Variants in SLC37A3 observed in about 807,000 individuals in gnomAD.
SLC37A3 encodes the protein solute carrier family 37 member 3, also known as sugar phosphate exchanger 3.
Under a neutral mutation model 67.1 loss-of-function variants are expected in SLC37A3, and 51 were observed. The ratio of observed to expected loss-of-function variants is 0.76; its 90% confidence interval spans 0.61 to 0.96. The LOEUF (loss-of-function observed/expected upper bound fraction) is 0.96. SLC37A3 is among the 40% of genes least tolerant of loss of function. The pLI is 0.00. For missense variants in SLC37A3, 508 were observed against 603.0 expected (o/e 0.84, Z 1.65); for synonymous variants, 214 against 231.4 (o/e 0.92, Z 0.68).
At chr7:140,367,454 AAAATT>A (rs1585321605) in intron 4 of SLC37A3, among the ~76,000 whole-genome samples, 4 of 152,320 alleles carry the variant, frequency 2.6e-5, no homozygotes. Flanking sequence ...ATAATACAAT[AAAATT>A]AAATAAATAA....
intron 3 of SLC37A3, among the ~76,000 whole-genome samples, chr7:140,376,499 G>A (rs1487971257): frequency 6.6e-6 from 1 of 152,088 alleles, no homozygotes; most frequent in Non-Finnish European, 1.5e-5. Flanking sequence ...TGTGCTGGGG[G>A]GACTATATAA....
In SLC37A3 at chr7:140,353,720, G is replaced by GT. The variant is rs111484557; in HGVS notation, c.619-1575dup. ...TTCACTTAGCACACTGTTTTGTTTT[G>GT]TTTTTTTTTTGATACGGAGTCTCGC... On this transcript the variant is annotated intron_variant, in intron 7 of 14. Coordinates refer to ENST00000326232, the MANE Select transcript of SLC37A3 (RefSeq NM_207113.3). Among the ~76,000 whole-genome samples the GT allele has an allele frequency of 3.4e-3, 495 of 146,030 alleles. 4 individuals are homozygous for GT. The highest frequency in any genetic ancestry group is 0.026 in the East Asian group (130 of 4,978).
At chr7:140,350,300 G>A (rs978873065) in intron 9 of SLC37A3, among the ~76,000 whole-genome samples, 2 of 152,132 alleles carry the variant, frequency 1.3e-5, no homozygotes, top group African/African-American at 2.4e-5. Context: ...ACATAACCTA[G>A]GCCTCTTAAC....
intron 10 of SLC37A3, 170 bp downstream of exon 10, chr7:140,348,456 T>G: frequency 1.5e-6 from 1 of 673,050 alleles, no homozygotes; most frequent in Non-Finnish European, 2.2e-6. Context: ...TCTTTTCTTT[T>G]CTTTTCTTTT....
rs1327221552 is a variant in SLC37A3 at position 140,363,319 on chromosome 7, A to G, written c.375+1089T>C. On this transcript the variant is annotated intron_variant, in intron 5 of 14. Coordinates refer to ENST00000326232, the MANE Select transcript of SLC37A3 (RefSeq NM_207113.3). ...CGGGTTTGTGTGGATAGAAGTAGAC[A>G]TGGGAGACTTTTCATTTTGTTCTGT... Among the ~76,000 whole-genome samples the G allele has an allele frequency of 2.3e-5, 2 of 87,834 alleles. 1 individual carries two copies. Among genetic ancestry groups the G allele is most frequent in the Non-Finnish European group, 4.9e-5 (2 of 40,510 alleles). 57.6% of individuals were successfully genotyped at this position (87,834 alleles called of 152,430 possible).
At chr7:140,367,765 T>A (rs947055805) in intron 4 of SLC37A3, among the ~76,000 whole-genome samples, 3 of 150,322 alleles carry the variant, frequency 2.0e-5, no homozygotes, top group African/African-American at 7.3e-5. Context: ...GCTGAATTAC[T>A]CCTCGCCACC....
chr7:140,394,028 G>A (rs772746854), intron 1 of SLC37A3, among the ~76,000 whole-genome samples: 7 of 152,006 alleles, frequency 4.6e-5, no homozygotes, highest in Non-Finnish European at 1.0e-4. Flanking sequence ...AAAATCAGCG[G>A]GGCATGCTGG....
At chr7:140,343,902 T>C (rs1796454713) in intron 12 of SLC37A3, 2 of 264,622 alleles carry the variant, frequency 7.6e-6, no homozygotes, top group South Asian at 3.7e-5. Flanking sequence ...TTGCATCATA[T>C]GATCATTCCA....
intron 13 of SLC37A3, among the ~76,000 whole-genome samples, chr7:140,340,670 T>C (rs1165000960): frequency 6.6e-6 from 1 of 151,626 alleles, no homozygotes; most frequent in Non-Finnish European, 1.5e-5. Context: ...GGCTCATGCC[T>C]GTAATCCTAG....
intron 1 of SLC37A3, among the ~76,000 whole-genome samples, chr7:140,393,189 G>A (rs1458142403): frequency 1.3e-5 from 2 of 152,044 alleles, no homozygotes; most frequent in Non-Finnish European, 2.9e-5. Flanking sequence ...TCCTTCAGGG[G>A]CACAATCTGT....
At chr7:140,396,357 C>T (rs9640465) in intron 1 of SLC37A3, among the ~76,000 whole-genome samples, 135,557 of 152,234 alleles carry the variant, frequency 0.89, 60,424 homozygotes, top group Middle Eastern at 0.91. Flanking sequence ...TTATCTCATA[C>T]GAAGCCATTT....
chr7:140,342,022 A>G (rs1796379922), intron 13 of SLC37A3, among the ~76,000 whole-genome samples: 1 of 152,210 alleles, frequency 6.6e-6, no homozygotes, highest in Non-Finnish European at 1.5e-5. Context: ...TGCCAAGCAT[A>G]TCAGTCATTC....
At chr7:140,350,959 C>G (rs1225411976) in intron 9 of SLC37A3, among the ~76,000 whole-genome samples, 1 of 152,164 alleles carries the variant, frequency 6.6e-6, no homozygotes, top group Non-Finnish European at 1.5e-5. Flanking sequence ...TTGGCCAAGT[C>G]TGGCCACGTC....
intron 5 of SLC37A3, among the ~76,000 whole-genome samples, chr7:140,361,578 A>ACGGTCTCCCTCTGATG (rs1330483907): frequency 1.2e-3 from 160 of 128,542 alleles, no homozygotes; most frequent in Non-Finnish European, 2.2e-3. Flanking sequence ...GTCTCCTTCC[A>ACGGTCTCCCTCTGATG]CGGTCTCCCT....
chr7:140,382,167 G>A (rs558747515), intron 2 of SLC37A3, among the ~76,000 whole-genome samples: 5 of 151,876 alleles, frequency 3.3e-5, no homozygotes, highest in African/African-American at 1.2e-4. Context: ...ATGGGAGGAC[G>A]TTTAGTAGCA....
At chr7:140,396,315 C>T (rs1798924780) in intron 1 of SLC37A3, among the ~76,000 whole-genome samples, 2 of 152,160 alleles carry the variant, frequency 1.3e-5, no homozygotes, top group African/African-American at 4.8e-5. Context: ...TGAGCCACTG[C>T]ACCCAGCCAC....
At chr7:140,392,867 G>A (rs1264160355) in intron 1 of SLC37A3, among the ~76,000 whole-genome samples, 2 of 152,068 alleles carry the variant, frequency 1.3e-5, no homozygotes, top group African/African-American at 2.4e-5. Context: ...TGAGGTGGGC[G>A]GATCACCTGA....
intron 13 of SLC37A3, among the ~76,000 whole-genome samples, chr7:140,342,221 A>T (rs932901501): frequency 2.0e-5 from 3 of 152,200 alleles, no homozygotes; most frequent in East Asian, 3.8e-4. Context: ...CTTTACCTCA[A>T]TACTTATCTC....
In SLC37A3 at chr7:140,371,027, C is replaced by T. The variant is rs528819790; in HGVS notation, c.199-1345G>A. On this transcript the variant is annotated intron_variant, in intron 3 of 14. Transcript: ENST00000326232. ...CACCAGTCTAAAATCAGGAGGAGGC[C>T]ATCCCAAGCCCCACCTAGCAACCCC... Among the ~76,000 whole-genome samples the T allele has an allele frequency of 4.6e-5, 7 of 152,222 alleles. No individual in the cohort carries two copies. The South Asian group carries it at 1.5e-3, about 32-fold the overall frequency.
Sources: allele counts gnomAD v4.1 joint callset (sites outside exome capture counted in the v4.1 genomes callset), GRCh38; gene constraint gnomAD v4.1.1; transcripts MANE v1.5; gene names NCBI Gene and HGNC (gene_info 2026-07-23, HGNC 2026-07-21).